The following MGAT3 variants were observed in gnomAD, a reference collection of about 807,000 sequenced individuals.
MGAT3 encodes beta-1,4-mannosyl-glycoprotein 4-beta-N-acetylglucosaminyltransferase.
In MGAT3, 9 loss-of-function variants were observed where a neutral mutation model predicts 29.8. That is an observed-to-expected ratio of 0.30 (90% confidence interval 0.18 to 0.53). The LOEUF (loss-of-function observed/expected upper bound fraction) is 0.53, where lower values mean the gene tolerates loss of function less well. Among genes scored for constraint, MGAT3 ranks in the 20% least tolerant of loss-of-function variants. The pLI is 0.96. For missense variants in MGAT3, 557 were observed against 769.5 expected, an observed-to-expected ratio of 0.72 and a Z score of 3.27; for synonymous variants, 397 against 348.9, an observed-to-expected ratio of 1.14 and a Z score of -1.54.
rs1928384176 is a variant in MGAT3 at position 39,457,928 on chromosome 22, A to C, written c.-2+371A>C. Among the ~76,000 whole-genome samples, 1 of 150,068 alleles carries C rather than the reference A, an allele frequency of 6.7e-6. No homozygotes were observed. The highest frequency in any genetic ancestry group is 2.5e-5 in the African/African-American group (1 of 40,732). On this transcript the variant is annotated intron_variant, in intron 1 of 1. Coordinates refer to ENST00000341184, the MANE Select transcript of MGAT3 (RefSeq NM_002409.5). This position sits in a 1 kb window ranked among gnomAD's most constrained non-coding sequence, Gnocchi z 6.8. ...CAGCCTCCGGCGCGGCTCCCCCACAACCTCCGGCGCGGCGCGGGGCTGGGG... is the reference window on the plus strand; with the variant it reads ...CAGCCTCCGGCGCGGCTCCCCCACACCCTCCGGCGCGGCGCGGGGCTGGGG...
At chr22:39,466,056 G>C (rs1020680577) in intron 1 of MGAT3, among the ~76,000 whole-genome samples, 1 of 152,176 alleles carries the variant, frequency 6.6e-6, no homozygotes, top group Non-Finnish European at 1.5e-5. Flanking sequence ...AAAGGCCTGC[G>C]AGGAAGGCCC....
In MGAT3 at chr22:39,488,935, G is replaced by C. The variant is rs751551105; in HGVS notation, c.1588G>C (p.Glu530Gln). 1 of 1,605,616 alleles carries C rather than the reference G, an allele frequency of 6.2e-7. No homozygotes were observed. Among genetic ancestry groups the C allele is most frequent in the East Asian group, 2.2e-5 (1 of 44,554 alleles). ...GCCGCCCGCCCGGGGCAAACTGGAC[G>C]AGGCGGAAGTCTAGAGCTGCATGAT... ...GRPPARGKLD[E>Q]AEV The change falls in exon 2 of 2, where the codon GAG (glutamate) becomes CAG (glutamine). Residue 530 changes from glutamate to glutamine, a missense_variant. By Grantham distance (29) the Glu-to-Gln change is conservative. Around this residue, in one of 3 missense-constraint regions of MGAT3, gnomAD observed 102 missense variants for 97.0 expected, o/e 1.05. Transcript: ENST00000341184.
Position 39,488,558 on chromosome 22 carries a change from T to C in MGAT3, c.1211T>C (p.Val404Ala). 6.2e-7 allele frequency: 1 copy of C among 1,613,308 alleles called. No homozygotes were observed. Among genetic ancestry groups the C allele is most frequent in the Non-Finnish European group, 8.5e-7 (1 of 1,179,994 alleles). Residue 404 changes from valine to alanine, a missense_variant, in exon 2 of 2, where the codon GTG becomes GCG. Transcript: ENST00000341184. Reference sequence around the variant, plus strand: ...GAGAACCGCACCGGCCACATCCTGGTGCAGTGGTCGCTGGGCAGCCCCCTG... The same window carrying C: ...GAGAACCGCACCGGCCACATCCTGGCGCAGTGGTCGCTGGGCAGCCCCCTG... ...QYENRTGHIL[V>A]QWSLGSPLHF... is the part of the protein sequence containing the mutation.
intron 1 of MGAT3, among the ~76,000 whole-genome samples, chr22:39,478,144 C>T (rs1375004889): frequency 6.6e-6 from 1 of 152,246 alleles, no homozygotes; most frequent in Non-Finnish European, 1.5e-5. Flanking sequence ...GGGAGACGGG[C>T]TTCAGCGCGA....
In MGAT3 at chr22:39,487,076, C is replaced by T. The variant is rs536288132; in HGVS notation, c.-1-271C>T. ...CACAGTCAGGGTGGGGTGGGCCAGG[C>T]GGAGAAGCAGGCTGCAGAGGGGGCA... On this transcript the variant is annotated intron_variant, in intron 1 of 1. Coordinates refer to ENST00000341184, the MANE Select transcript of MGAT3 (RefSeq NM_002409.5). This position sits in a 1 kb window ranked among gnomAD's most constrained non-coding sequence, Gnocchi z 5.7. Among the ~76,000 whole-genome samples, 22 of 152,190 alleles carry T rather than the reference C, an allele frequency of 1.4e-4. No individual in the cohort carries two copies. The South Asian group carries it at 4.0e-3, about 27-fold the overall frequency.
In MGAT3 at chr22:39,487,383, C is replaced by A. The variant is rs535996556; in HGVS notation, c.36C>A (p.Phe12Leu). 2 of 1,613,580 alleles carry A rather than the reference C, an allele frequency of 1.2e-6. No homozygotes were observed. The highest frequency in any genetic ancestry group is 2.2e-5 in the East Asian group (1 of 44,860). ...KMRRYKLFLM[F>L]CMAGLCLISF... ...GACGCTACAAGCTCTTTCTCATGTT[C>A]TGTATGGCCGGCCTGTGCCTCATCT... The change falls in exon 2 of 2, where the codon TTC (phenylalanine) becomes TTA (leucine). Residue 12 changes from phenylalanine (F) to leucine (L), a missense_variant. By Grantham distance (22) the Phe-to-Leu change is conservative. Around this residue, in one of 3 missense-constraint regions of MGAT3, gnomAD observed 212 missense variants for 228.5 expected, o/e 0.93. Transcript: ENST00000341184. This position sits in a 1 kb window ranked among gnomAD's most constrained non-coding sequence, Gnocchi z 5.7.
At position 39,488,746 on chromosome 22, in the gene MGAT3, G is replaced by C. The variant is rs376388006; in HGVS notation, c.1399G>C (p.Gly467Arg). The change falls in exon 2 of 2, where the codon GGC (glycine) becomes CGC (arginine). Residue 467 changes from glycine (G) to arginine (R), a missense_variant. Coordinates refer to ENST00000341184, the MANE Select transcript of MGAT3 (RefSeq NM_002409.5). ...GATCCGCACCGGGGGCTGGTTCGAC[G>C]GCACGCAGCAGGAGTACCCGCCTGC... ...GLIRTGGWFD[G>R]TQQEYPPADP... 2 of 1,613,256 alleles carry C rather than the reference G, an allele frequency of 1.2e-6. No homozygotes were observed. The highest frequency in any genetic ancestry group is 1.1e-5 in the South Asian group (1 of 91,032).
chr22:39,480,530 C>T (rs1369279880), intron 1 of MGAT3, among the ~76,000 whole-genome samples: 1 of 152,208 alleles, frequency 6.6e-6, no homozygotes, highest in Non-Finnish European at 1.5e-5. Context: ...AGGGGGACCA[C>T]AGACAAAGCA....
In MGAT3 at chr22:39,488,133, C is replaced by A. The variant is rs1227184673; in HGVS notation, c.786C>A (p.Phe262Leu). The A allele has an allele frequency of 4.2e-5, 67 of 1,613,102 alleles. No homozygotes were observed. The highest frequency in any genetic ancestry group is 5.7e-5 in the Non-Finnish European group (67 of 1,179,944). The change falls in exon 2 of 2, where the codon TTC becomes TTA. Residue 262 changes from phenylalanine (F) to leucine (L), a missense_variant. Physicochemically the swap from Phe to Leu is conservative, Grantham distance 22 (BLOSUM62 0). Coordinates refer to ENST00000341184, the MANE Select transcript of MGAT3 (RefSeq NM_002409.5). ...KFREMLTNGT[F>L]EYIRHKVLYV... ...GGGAGATGCTGACCAATGGCACCTT[C>A]GAGTACATCCGCCACAAGGTGCTCT...
chr22:39,476,426 T>C (rs1928965351), intron 1 of MGAT3: 1 of 152,288 alleles, frequency 6.6e-6, no homozygotes, highest in South Asian at 2.1e-4. Context: ...AGTTTCTTCA[T>C]CCATGGGTGG....
chr22:39,458,594 C>G (rs545245645), intron 1 of MGAT3, among the ~76,000 whole-genome samples: 2 of 152,190 alleles, frequency 1.3e-5, no homozygotes, highest in South Asian at 4.1e-4. Flanking sequence ...GGTTTTCAGT[C>G]TAAGGAGTGC....
At chr22:39,467,004 G>C (rs1441272035) in intron 1 of MGAT3, among the ~76,000 whole-genome samples, 1 of 152,226 alleles carries the variant, frequency 6.6e-6, no homozygotes, top group Non-Finnish European at 1.5e-5. Flanking sequence ...GACTGAGCTA[G>C]GTGGCAGGGG....
chr22:39,459,490 G>T (rs1328355410), intron 1 of MGAT3, among the ~76,000 whole-genome samples: 1 of 152,078 alleles, frequency 6.6e-6, no homozygotes, highest in African/African-American at 2.4e-5. Flanking sequence ...TTGAGACAGG[G>T]TCTCACTCTG....
At chr22:39,462,872 T>G (rs1928535650) in intron 1 of MGAT3, among the ~76,000 whole-genome samples, 1 of 152,236 alleles carries the variant, frequency 6.6e-6, no homozygotes, top group Non-Finnish European at 1.5e-5. Flanking sequence ...GCTCAAAACT[T>G]TGGTTCTTAC....
chr22:39,477,557 A>G (rs893609488), intron 1 of MGAT3: 1 of 152,150 alleles, frequency 6.6e-6, no homozygotes, highest in African/African-American at 2.4e-5. Flanking sequence ...GGAAAGAAAA[A>G]AAAAAAAAAC....
At chr22:39,471,458 T>C (rs1044602942) in intron 1 of MGAT3, among the ~76,000 whole-genome samples, 4 of 152,076 alleles carry the variant, frequency 2.6e-5, no homozygotes, top group Admixed American at 1.3e-4. Flanking sequence ...TAATAATTAA[T>C]CATCTGCCCA....
chr22:39,462,135 G>A (rs1928516455), intron 1 of MGAT3, among the ~76,000 whole-genome samples: 1 of 152,060 alleles, frequency 6.6e-6, no homozygotes, highest in African/African-American at 2.4e-5. Context: ...TCCTGACCTT[G>A]TGATCCGCCT....
intron 1 of MGAT3, among the ~76,000 whole-genome samples, chr22:39,465,855 C>T (rs1335352315): frequency 6.6e-6 from 1 of 151,386 alleles, no homozygotes; most frequent in Non-Finnish European, 1.5e-5. Context: ...TCACTTGAAC[C>T]TGGGCGGCAG....
At position 39,487,776 on chromosome 22, in the gene MGAT3, C is replaced by A; in HGVS notation, c.429C>A (p.Ser143=). The A allele has an allele frequency of 6.7e-7, 1 of 1,495,112 alleles. No homozygotes were observed. Among genetic ancestry groups the A allele is most frequent in the South Asian group, 1.3e-5 (1 of 74,490 alleles). 92.6% of individuals were successfully genotyped at this position (1,495,112 alleles called of 1,614,324 possible). A position where few individuals can be genotyped will look rare whatever the true frequency, so the allele number is the denominator to read the frequency against. Residue 143 remains serine (S), a synonymous_variant, in exon 2 of 2, where the codon TCC becomes TCA. Coordinates refer to ENST00000341184, the MANE Select transcript of MGAT3 (RefSeq NM_002409.5). The surrounding 1 kb of genome is among the most constrained non-coding windows in gnomAD (Gnocchi z 5.7). ...AGAAGCCTGAGGGGGCCAACGGCTC[C>A]TCGGCCCGGCGGCCACCCCGGTACC... ...PEEKPEGANG[S]SARRPPRYLL... is the part of the protein sequence containing the mutation.
Sources: gnomAD v4.1 joint callset for allele counts (sites outside exome capture counted in the v4.1 genomes callset) on GRCh38, gnomAD v4.1.1 for gene constraint, gnomAD v4.1.1 regional missense constraint, Gnocchi (gnomAD v3.1) non-coding constraint, MANE v1.5 for transcripts, NCBI Gene and HGNC (gene_info 2026-07-23, HGNC 2026-07-21) for gene names.